The following ACOT13 variants were observed in gnomAD, a reference collection of about 807,000 sequenced individuals.
The protein encoded by ACOT13 is acyl-coenzyme A thioesterase 13.
In ACOT13, 10 loss-of-function variants were observed where a neutral mutation model predicts 11.8. That is an observed-to-expected ratio of 0.85 (90% CI 0.53 to 1.44). The LOEUF (loss-of-function observed/expected upper bound fraction) is 1.44. ACOT13 is among the 40% of genes most tolerant of loss of function. The pLI, the probability that ACOT13 is intolerant of heterozygous loss-of-function variation, is 0.00. For synonymous variants in ACOT13, 53 were observed against 61.0 expected, an observed-to-expected ratio of 0.87 and a Z score of 0.61; for missense variants, 172 against 174.1, an observed-to-expected ratio of 0.99 and a Z score of 0.07.
At chr6:24,687,460 T>C (rs1022718354) in intron 1 of ACOT13, 30 of 1,329,900 alleles carry the variant, frequency 2.3e-5, no homozygotes, top group African/African-American at 3.0e-5. Flanking sequence ...TGTGCTAGGA[T>C]CTAGAAATAC....
Position 24,697,401 on chromosome 6 carries a change from C to T in ACOT13, c.82-482C>T, listed in dbSNP as rs542259663. On this transcript the variant is annotated intron_variant, in intron 1 of 2. Transcript: ENST00000230048. ...GATCTCAGCTGGGTGGCTTTGTTGG[C>T]GTCAAAGTTCCAATGAGATAAATGC... 8.0e-5 allele frequency among the ~76,000 whole-genome samples: 12 copies of T among 149,582 alleles called. No individual in the cohort carries two copies. In the East Asian group the frequency reaches 1.4e-3, roughly 17 times the overall value.
At chr6:24,686,723 C>A (rs1427358495) in intron 1 of ACOT13, among the ~76,000 whole-genome samples, 1 of 149,514 alleles carries the variant, frequency 6.7e-6, no homozygotes, top group Non-Finnish European at 1.5e-5. Flanking sequence ...TTTTTTCTTA[C>A]AGGATCTTAC....
rs935896221 is a variant in ACOT13, at chr6:24,703,298, T to C, written c.*1683T>C. 3 of 152,216 alleles carry C rather than the reference T, an allele frequency of 2.0e-5. No individual in the cohort carries two copies. The highest frequency in any genetic ancestry group is 4.4e-5 in the Non-Finnish European group (3 of 68,040). 9.4% of individuals were successfully genotyped at this position (152,216 alleles called of 1,614,324 possible). On this transcript the variant is annotated 3_prime_UTR_variant, in exon 3 of 3. Transcript: ENST00000230048. ...GTTAAAGACAAATCCTTTCCCTACATTAGATCGCCTGCTGATCTGTCCACT... is the reference window on the plus strand; with the variant it reads ...GTTAAAGACAAATCCTTTCCCTACACTAGATCGCCTGCTGATCTGTCCACT...
intron 2 of ACOT13, 68 bp from the exon 3 acceptor site, chr6:24,701,390 GT>G: frequency 7.0e-7 from 1 of 1,425,192 alleles, no homozygotes; most frequent in Non-Finnish European, 9.6e-7. Flanking sequence ...TAGGAACACT[GT>G]TGTGAGATGC....
chr6:24,678,591 G>A (rs1048859276), intron 1 of ACOT13, among the ~76,000 whole-genome samples: 1 of 152,148 alleles, frequency 6.6e-6, no homozygotes, highest in Non-Finnish European at 1.5e-5. Flanking sequence ...TTGTCCTTCT[G>A]TTGCCCAGAC....
At chr6:24,667,415 G>A in intron 1 of ACOT13, 71 bp downstream of exon 1, 1 of 1,385,864 alleles carries the variant, frequency 7.2e-7, no homozygotes, top group East Asian at 2.3e-5. Flanking sequence ...TGGTGCCGTT[G>A]TGAGCTTTGA....
chr6:24,695,933 C>T (rs1242886681), intron 1 of ACOT13, among the ~76,000 whole-genome samples: 1 of 152,094 alleles, frequency 6.6e-6, no homozygotes, highest in Non-Finnish European at 1.5e-5. Context: ...TGGCATGTGC[C>T]TGTAATCCCA....
At chr6:24,675,828 G>A (rs1174825914) in intron 1 of ACOT13, among the ~76,000 whole-genome samples, 1 of 152,120 alleles carries the variant, frequency 6.6e-6, no homozygotes, top group Non-Finnish European at 1.5e-5. Flanking sequence ...GTATTGTCTA[G>A]GTTTTCTTCT....
At chr6:24,672,784 AATC>A (rs2127621450) in intron 1 of ACOT13, among the ~76,000 whole-genome samples, 1 of 152,354 alleles carries the variant, frequency 6.6e-6, no homozygotes, top group East Asian at 1.9e-4. Flanking sequence ...CTTTGACGTT[AATC>A]ATTAATTTAT....
At chr6:24,679,839 G>A (rs994006072) in intron 1 of ACOT13, among the ~76,000 whole-genome samples, 11 of 152,150 alleles carry the variant, frequency 7.2e-5, no homozygotes, top group African/African-American at 2.7e-4. Context: ...TAAAACTTCA[G>A]TATAGCCATC....
At chr6:24,700,333 C>A (rs1778871151) in intron 2 of ACOT13, among the ~76,000 whole-genome samples, 2 of 151,862 alleles carry the variant, frequency 1.3e-5, no homozygotes, top group South Asian at 4.1e-4. Context: ...TAAAAACTGG[C>A]CAAACTACTA....
At chr6:24,696,483 G>C (rs1461058270) in intron 1 of ACOT13, among the ~76,000 whole-genome samples, 1 of 152,172 alleles carries the variant, frequency 6.6e-6, no homozygotes. Flanking sequence ...GCATATCAAA[G>C]TGCCTAATAA....
rs376711173 is a variant in ACOT13 at position 24,675,871 on chromosome 6, G to C, written c.81+8527G>C. Among the ~76,000 whole-genome samples, 24 of 152,330 alleles carry C rather than the reference G, an allele frequency of 1.6e-4. 2 individuals are homozygous for C. The South Asian group carries it at 4.6e-3, about 29-fold the overall frequency. The stretch of plus-strand genomic sequence containing the variant: ...TTATGGTTTTAAGCCTAACATTTAA[G>C]TCTTTAATCCATCTTGAATTAAGTT... On this transcript the variant is annotated intron_variant, in intron 1 of 2. Coordinates refer to ENST00000230048, the MANE Select transcript of ACOT13 (RefSeq NM_018473.4).
chr6:24,687,453 G>A (rs1447970970), intron 1 of ACOT13: 1 of 1,320,478 alleles, frequency 7.6e-7, no homozygotes, highest in African/African-American at 1.5e-5. Flanking sequence ...CACGCACTGT[G>A]CTAGGATCTA....
chr6:24,685,625 C>T (rs1160567871), intron 1 of ACOT13, among the ~76,000 whole-genome samples: 15 of 152,138 alleles, frequency 9.9e-5, no homozygotes, highest in African/African-American at 3.4e-4. Flanking sequence ...GGATTACAGG[C>T]GTAAGCCACC....
chr6:24,680,418 T>C lies in ACOT13; in HGVS notation c.81+13074T>C, dbSNP rs2127623525. ...TTTGCCTTGGGGTGTGGGGAACGTT[T>C]CCGATCTGAAAAAAGAACATAGGGA... On this transcript the variant is annotated intron_variant, in intron 1 of 2. Transcript: ENST00000230048. Among the ~76,000 whole-genome samples the C allele has an allele frequency of 2.6e-5, 4 of 152,166 alleles. No homozygotes were observed. In the South Asian group the frequency reaches 8.3e-4, roughly 32 times the overall value.
At chr6:24,696,191 C>T (rs534535411) in intron 1 of ACOT13, among the ~76,000 whole-genome samples, 3 of 152,284 alleles carry the variant, frequency 2.0e-5, no homozygotes, top group African/African-American at 4.8e-5. Context: ...TTTTATATCG[C>T]GTGGTTCTGT....
intron 1 of ACOT13, among the ~76,000 whole-genome samples, chr6:24,673,608 G>T (rs150621379): frequency 0.039 from 5,917 of 152,204 alleles, 315 homozygotes; most frequent in African/African-American, 0.12. Context: ...TGATCCACCT[G>T]TCTTGGCCTC....
At chr6:24,687,439 C>A in intron 1 of ACOT13, 5 of 1,229,938 alleles carry the variant, frequency 4.1e-6, no homozygotes, top group Non-Finnish European at 5.1e-6. Flanking sequence ...GGAATATCAA[C>A]TGACACGCAC....
Sources: gnomAD v4.1 joint callset for allele counts (sites outside exome capture counted in the v4.1 genomes callset) on GRCh38, gnomAD v4.1.1 for gene constraint, MANE v1.5 for transcripts, NCBI Gene and HGNC (gene_info 2026-07-23, HGNC 2026-07-21) for gene names.